The following RAB11B variants were observed in gnomAD, a reference collection of about 807,000 sequenced individuals.
RAB11B encodes the protein RAB11B, member RAS oncogene family, also known as ras-related protein Rab-11B.
A neutral mutation model predicts 23.7 loss-of-function variants in RAB11B; 7 were observed. The ratio of observed to expected loss-of-function variants is 0.29; its 90% CI spans 0.17 to 0.55. The LOEUF is 0.55. Ranked by LOEUF, RAB11B falls within the 20% of genes least tolerant of loss-of-function variation. The pLI, the probability that RAB11B is intolerant of heterozygous loss-of-function variation, is 0.93. For synonymous variants in RAB11B, 138 were observed against 132.0 expected (o/e 1.05, Z -0.31); for missense variants, 189 against 320.0 (o/e 0.59, Z 3.12).
chr19:8,392,991 ATT>A (rs34749882), intron 1 of RAB11B, among the ~76,000 whole-genome samples: 2,865 of 130,518 alleles, frequency 0.022, 69 homozygotes, highest in African/African-American at 0.068. Flanking sequence ...TGGCCTCTGC[ATT>A]TTTTTTTTTT....
intron 1 of RAB11B, 40 bp downstream of exon 1, chr19:8,390,496 C>A: frequency 6.8e-7 from 1 of 1,473,458 alleles, no homozygotes; most frequent in Non-Finnish European, 9.0e-7. Flanking sequence ...GTCGTGGCGG[C>A]GAGGCGGCGG....
rs553938933 is a variant in RAB11B, at chr19:8,396,204, G to A, written c.41-3659G>A. Among the ~76,000 whole-genome samples the A allele has an allele frequency of 6.6e-6, 1 of 152,218 alleles. No homozygotes were observed. The highest frequency in any genetic ancestry group is 1.5e-5 in the Non-Finnish European group (1 of 68,034). On this transcript the variant is annotated intron_variant, in intron 1 of 4. Transcript: ENST00000328024. The surrounding 1 kb of genome is among the most constrained non-coding windows in gnomAD (Gnocchi z 5.0). ...CCAACCAGAGCGGGTACCAGGTGGG[G>A]TTGTAGGGGCTGCCTGATCCTGCCC...
At position 8,403,587 on chromosome 19, in the gene RAB11B, A is replaced by G; in HGVS notation, c.*29A>G. 1.9e-6 allele frequency: 3 copies of G among 1,592,338 alleles called. No homozygotes were observed. Among genetic ancestry groups the G allele is most frequent in the Non-Finnish European group, 2.6e-6 (3 of 1,166,066 alleles). ...CTGCGCCTCCACCCAGCGTGCGTGC[A>G]CGTCCTCCGCCCGCCCCCGCCACGG... is the stretch of plus-strand genomic sequence containing the variant. On this transcript the variant is annotated 3_prime_UTR_variant, in exon 5 of 5. Transcript: ENST00000328024.
rs569794420 is a variant in RAB11B at position 8,403,131 on chromosome 19, C to T, written c.512-282C>T. On this transcript the variant is annotated intron_variant, in intron 4 of 4. Transcript: ENST00000328024. ...GGCCCTGCCTTAACTCTTGGCGCTG[C>T]GGGGAGGCGGGTAGCCTCAGGGACC... Among the ~76,000 whole-genome samples, 854 of 152,304 alleles carry T rather than the reference C, an allele frequency of 5.6e-3. 5 individuals are homozygous for T. Among genetic ancestry groups the T allele is most frequent in the Non-Finnish European group, 6.7e-3 (455 of 68,014 alleles).
chr19:8,398,659 G>T (rs1437346776), intron 1 of RAB11B, among the ~76,000 whole-genome samples: 1 of 152,168 alleles, frequency 6.6e-6, no homozygotes, highest in Non-Finnish European at 1.5e-5. Context: ...AGAGGTGGGG[G>T]TTGAGGTGGG....
rs974749816 is a variant in RAB11B at position 8,402,298 on chromosome 19, A to G, written c.430+19A>G. The G allele has an allele frequency of 1.3e-6, 2 of 1,545,688 alleles. No individual in the cohort carries two copies. The highest frequency in any genetic ancestry group is 2.7e-5 in the African/African-American group (2 of 73,066). On this transcript the variant is annotated intron_variant, in intron 3 of 4. Coordinates refer to ENST00000328024, the MANE Select transcript of RAB11B (RefSeq NM_004218.4). ...TTCGCAGGTGAGCAGACGGAGACGC[A>G]GGCATCAGAGAGGTGTCTGGAAGGC... is the stretch of plus-strand genomic sequence containing the variant.
At chr19:8,399,214 A>G (rs967964930) in intron 1 of RAB11B, among the ~76,000 whole-genome samples, 2 of 151,708 alleles carry the variant, frequency 1.3e-5, no homozygotes, top group Admixed American at 6.6e-5. Context: ...CGGCCTCCCA[A>G]AGTGCTGGGA....
At chr19:8,391,842 G>A (rs896268280) in intron 1 of RAB11B, among the ~76,000 whole-genome samples, 18 of 151,832 alleles carry the variant, frequency 1.2e-4, no homozygotes, top group African/African-American at 4.1e-4. Flanking sequence ...TGTCCGTGTG[G>A]CGAAAGCCTT....
intron 1 of RAB11B, among the ~76,000 whole-genome samples, chr19:8,392,482 C>T (rs1326934696): frequency 2.6e-5 from 4 of 151,700 alleles, no homozygotes; most frequent in African/African-American, 9.7e-5. Context: ...CGGTGCCTGC[C>T]CTGCTGCCCT....
chr19:8,399,253 A>G (rs910984248), intron 1 of RAB11B, among the ~76,000 whole-genome samples: 1 of 151,864 alleles, frequency 6.6e-6, no homozygotes, highest in South Asian at 2.1e-4. Context: ...GCGCCCGGGT[A>G]CTTTTTGTAT....
chr19:8,392,463 G>A (rs2913975), intron 1 of RAB11B, among the ~76,000 whole-genome samples: 29 of 140,396 alleles, frequency 2.1e-4, no homozygotes, highest in African/African-American at 8.9e-4. Flanking sequence ...GGTGTGGGGT[G>A]GGGGGGGGCG....
At chr19:8,403,134 G>T (rs994034553) in intron 4 of RAB11B, among the ~76,000 whole-genome samples, 7 of 152,242 alleles carry the variant, frequency 4.6e-5, no homozygotes, top group Non-Finnish European at 1.0e-4. Flanking sequence ...GGCGCTGCGG[G>T]GAGGCGGGTA....
In RAB11B at chr19:8,396,370, A is replaced by C. The variant is rs1971396507; in HGVS notation, c.41-3493A>C. ...TTTCTTGGGTGTTTATTGTGTGCCA[A>C]GCACTGTGCCAGGACCTGATTCCTG... On this transcript the variant is annotated intron_variant, in intron 1 of 4. Coordinates refer to ENST00000328024, the MANE Select transcript of RAB11B (RefSeq NM_004218.4). This position sits in a 1 kb window ranked among gnomAD's most constrained non-coding sequence, Gnocchi z 5.0. 6.6e-6 allele frequency among the ~76,000 whole-genome samples: 1 copy of C among 152,330 alleles called. No individual in the cohort carries two copies. Among genetic ancestry groups the C allele is most frequent in the East Asian group, 1.9e-4 (1 of 5,168 alleles).
chr19:8,392,694 T>C (rs928048358), intron 1 of RAB11B, among the ~76,000 whole-genome samples: 5 of 139,642 alleles, frequency 3.6e-5, no homozygotes, highest in African/African-American at 1.3e-4. Flanking sequence ...TCTTTTTTTT[T>C]TTTTTTTTTT....
intron 1 of RAB11B, among the ~76,000 whole-genome samples, chr19:8,399,315 C>A (rs1490833864): frequency 6.6e-6 from 1 of 152,080 alleles, no homozygotes; most frequent in African/African-American, 2.4e-5. Context: ...CTCGAACTCC[C>A]GACCTCAAGT....
intron 1 of RAB11B, among the ~76,000 whole-genome samples, chr19:8,391,439 C>T (rs1446480392): frequency 6.6e-6 from 1 of 152,252 alleles, no homozygotes; most frequent in Non-Finnish European, 1.5e-5. Flanking sequence ...GCCCGAGGGA[C>T]TGAGGGGGCT....
chr19:8,400,089 G>A, intron 2 of RAB11B, 31 bp downstream of exon 2: 1 of 1,601,164 alleles, frequency 6.2e-7, no homozygotes. Flanking sequence ...CAGGGACGCT[G>A]AGATTCGGGG....
At position 8,390,374 on chromosome 19, in the gene RAB11B, G is replaced by C. The variant is rs988030463; in HGVS notation, c.-43G>C. The C allele has an allele frequency of 6.6e-7, 1 of 1,516,102 alleles. No individual in the cohort carries two copies. Among genetic ancestry groups the C allele is most frequent in the African/African-American group, 1.5e-5 (1 of 68,940 alleles). The allele number at this position is 1,516,102 out of a possible 1,614,324, so 93.9% of individuals were successfully genotyped here. On this transcript the variant is annotated 5_prime_UTR_variant, in exon 1 of 5. Transcript: ENST00000328024. ...GCTCCGCCCCCGTCGGGTGTTTGTGGTGGGGCTGCGGAGTCGCCGATCCCG... is the reference window on the plus strand; with the variant it reads ...GCTCCGCCCCCGTCGGGTGTTTGTGCTGGGGCTGCGGAGTCGCCGATCCCG...
chr19:8,403,839 C>G lies in RAB11B; in HGVS notation c.*281C>G. The G allele has an allele frequency of 2.5e-6, 1 of 398,860 alleles. No individual in the cohort carries two copies. The highest frequency in any genetic ancestry group is 4.5e-6 in the Non-Finnish European group (1 of 223,814). The allele number at this position is 398,860 out of a possible 1,614,324, so 24.7% of individuals were successfully genotyped here. A position where few individuals can be genotyped will look rare whatever the true frequency, so the allele number is the denominator to read the frequency against. On this transcript the variant is annotated 3_prime_UTR_variant, in exon 5 of 5. Coordinates refer to ENST00000328024, the MANE Select transcript of RAB11B (RefSeq NM_004218.4). The stretch of plus-strand genomic sequence containing the variant: ...CAGGATGGACGGGGCTGGCCAGAGG[C>G]GAGGAGGACGGGCGGACGGCGCCGC...
Sources: gnomAD v4.1 joint callset for allele counts (sites outside exome capture counted in the v4.1 genomes callset) on GRCh38, gnomAD v4.1.1 for gene constraint, Gnocchi (gnomAD v3.1) non-coding constraint, MANE v1.5 for transcripts, NCBI Gene and HGNC (gene_info 2026-07-23, HGNC 2026-07-21) for gene names.